MARCHF6: variants seen among roughly 807,000 people sequenced by gnomAD.
MARCHF6 encodes the protein E3 ubiquitin-protein ligase MARCHF6.
Under a neutral mutation model 133.7 loss-of-function variants are expected in MARCHF6, and 31 were observed. The ratio of observed to expected loss-of-function variants is 0.23; its 90% CI spans 0.17 to 0.31. MARCHF6 has a LOEUF of 0.31. Ranked by LOEUF, MARCHF6 falls within the 10% of genes least tolerant of loss-of-function variation. The pLI, the probability that MARCHF6 is intolerant of heterozygous loss-of-function variation, is 1.00. For synonymous variants in MARCHF6, 395 were observed against 402.5 expected (o/e 0.98, Z 0.22); for missense variants, 723 against 1,121.6 (o/e 0.64, Z 5.08).
intron 20 of MARCHF6, among the ~76,000 whole-genome samples, chr5:10,415,192 T>C (rs1579606164): frequency 6.6e-6 from 1 of 152,320 alleles, no homozygotes; most frequent in Middle Eastern, 3.4e-3. Flanking sequence ...AATGAAAACA[T>C]TAATTCCCTC....
intron 5 of MARCHF6, among the ~76,000 whole-genome samples, chr5:10,389,364 A>T (rs937828524): frequency 1.3e-5 from 2 of 152,172 alleles, no homozygotes; most frequent in African/African-American, 2.4e-5. Context: ...TTTTGGTATG[A>T]TTGCAGTTAG....
intron 19 of MARCHF6, among the ~76,000 whole-genome samples, chr5:10,412,490 A>C (rs555025697): frequency 1.3e-5 from 2 of 152,306 alleles, no homozygotes; most frequent in South Asian, 4.1e-4. Context: ...AGAGTGAAAA[A>C]AAGGAAGTGG....
intron 4 of MARCHF6, among the ~76,000 whole-genome samples, chr5:10,386,392 T>C (rs1737482967): frequency 6.6e-6 from 1 of 152,260 alleles, no homozygotes; most frequent in African/African-American, 2.4e-5. Context: ...TCTAGAATTC[T>C]GCTTTCCTGA....
At chr5:10,393,554 C>T (rs1738002084) in intron 7 of MARCHF6, among the ~76,000 whole-genome samples, 1 of 152,210 alleles carries the variant, frequency 6.6e-6, no homozygotes, top group Non-Finnish European at 1.5e-5. Flanking sequence ...TTATTTCTCT[C>T]TCTTGATCTA....
chr5:10,385,935 A>G (rs959958153), intron 4 of MARCHF6, among the ~76,000 whole-genome samples: 4 of 152,130 alleles, frequency 2.6e-5, no homozygotes, highest in East Asian at 3.8e-4. Context: ...CACAATTTAA[A>G]TTACATCACA....
chr5:10,392,471 C>T (rs145630522), intron 7 of MARCHF6, among the ~76,000 whole-genome samples: 31 of 152,274 alleles, frequency 2.0e-4, no homozygotes, highest in African/African-American at 6.5e-4. Flanking sequence ...ATCAACGTCT[C>T]GTTTTCTAGC....
chr5:10,390,612 A>C, intron 6 of MARCHF6, 112 bp downstream of exon 6: 1 of 1,061,564 alleles, frequency 9.4e-7, no homozygotes. Context: ...TTCTTTTGTT[A>C]TTACAAAGGA....
rs748835122 is a variant in MARCHF6, at chr5:10,429,923, A to G, written c.2537A>G (p.His846Arg). 4.3e-6 allele frequency: 7 copies of G among 1,613,564 alleles called. No individual in the cohort carries two copies. In the South Asian group the frequency reaches 6.6e-5, roughly 15 times the overall value. Reference sequence around the variant, plus strand: ...ACTGCGGAAATGCAAAACTTAGTCCATCGGCGGATTTATCCATTTTTACTG... The same window carrying G: ...ACTGCGGAAATGCAAAACTTAGTCCGTCGGCGGATTTATCCATTTTTACTG... ...GVTAEMQNLV[H>R]RRIYPFLLMV... Residue 846 changes from histidine (H) to arginine (R), a missense_variant, in exon 25 of 26, where the codon CAT becomes CGT. Coordinates refer to ENST00000274140, the MANE Select transcript of MARCHF6 (RefSeq NM_005885.4).
chr5:10,414,860 G>A lies in MARCHF6; in HGVS notation c.1966+358G>A, dbSNP rs529259925. Among the ~76,000 whole-genome samples the A allele has an allele frequency of 2.8e-4, 42 of 152,238 alleles. 2 individuals are homozygous for A. Among genetic ancestry groups the A allele is most frequent in the Admixed American group, 1.9e-3 (29 of 15,290 alleles). On this transcript the variant is annotated intron_variant, in intron 20 of 25. Coordinates refer to ENST00000274140, the MANE Select transcript of MARCHF6 (RefSeq NM_005885.4). ...TGTGGGATGCTATAGAGTTTATTCC[G>A]AACAACTTTTTGTATGAGGCACTCC...
rs372416268 is a variant in MARCHF6 at position 10,439,104 on chromosome 5, T to G, written c.*5420T>G. Reference sequence around the variant, plus strand: ...GTACTCCTCTTCATTCACTCATATGTTTTTGGGATCAGTCCCTTCTGCTGG... The same window carrying G: ...GTACTCCTCTTCATTCACTCATATGGTTTTGGGATCAGTCCCTTCTGCTGG... On this transcript the variant is annotated 3_prime_UTR_variant, in exon 26 of 26. Coordinates refer to ENST00000274140, the MANE Select transcript of MARCHF6 (RefSeq NM_005885.4). 6.6e-6 allele frequency: 1 copy of G among 152,212 alleles called. No homozygotes were observed. Among genetic ancestry groups the G allele is most frequent in the Non-Finnish European group, 1.5e-5 (1 of 68,054 alleles). 9.4% of individuals were successfully genotyped at this position (152,212 alleles called of 1,614,324 possible).
rs149713921 is a variant in MARCHF6, at chr5:10,419,262, T to C, written c.2283+1858T>C. 2.6e-5 allele frequency among the ~76,000 whole-genome samples: 4 copies of C among 152,336 alleles called. No individual in the cohort carries two copies. In the East Asian group the frequency reaches 7.7e-4, roughly 29 times the overall value. On this transcript the variant is annotated intron_variant, in intron 22 of 25. Coordinates refer to ENST00000274140, the MANE Select transcript of MARCHF6 (RefSeq NM_005885.4). Reference sequence around the variant, plus strand: ...ACTTTCAGTATAGTATTCAGTAAATTGCATGAGATAGTCACTACGTAATTA... The same window carrying C: ...ACTTTCAGTATAGTATTCAGTAAATCGCATGAGATAGTCACTACGTAATTA...
At position 10,403,470 on chromosome 5, in the gene MARCHF6, A is replaced by G; in HGVS notation, c.1261A>G (p.Met421Val). 24 of 1,613,910 alleles carry G rather than the reference A, an allele frequency of 1.5e-5. No individual in the cohort carries two copies. Among genetic ancestry groups the G allele is most frequent in the Non-Finnish European group, 2.0e-5 (24 of 1,179,858 alleles). Reference sequence around the variant, plus strand: ...CTTTCAGTCGGCTCCAGGTACTACCATGTTTCTGCATTGGCTAGTGGGAAT... The same window carrying G: ...CTTTCAGTCGGCTCCAGGTACTACCGTGTTTCTGCATTGGCTAGTGGGAAT... Reference protein sequence around the residue: ...LSFQSAPGTTMFLHWLVGMVY... With the variant: ...LSFQSAPGTTVFLHWLVGMVY... The change falls in exon 15 of 26, where the codon ATG becomes GTG. Residue 421 changes from methionine (M) to valine (V), a missense_variant. Met to Val is a conservative substitution (Grantham distance 21). This residue lies in a region of MARCHF6 where 492 missense variants were observed against 699.5 expected (regional missense o/e 0.70). Coordinates refer to ENST00000274140, the MANE Select transcript of MARCHF6 (RefSeq NM_005885.4).
chr5:10,390,199 C>T, intron 5 of MARCHF6, 133 bp from the exon 6 acceptor site: 1 of 702,154 alleles, frequency 1.4e-6, no homozygotes, highest in East Asian at 2.7e-5. Flanking sequence ...AGATTTTCAT[C>T]CAAAAAATTA....
rs536501283 is a variant in MARCHF6, at chr5:10,405,316, GT to G, written c.1333-232del. Among the ~76,000 whole-genome samples, 537 of 149,134 alleles carry G rather than the reference GT, an allele frequency of 3.6e-3. 9 individuals carry two copies. Among genetic ancestry groups the G allele is most frequent in the African/African-American group, 2.0e-3 (83 of 40,708 alleles). ...TCTTGACACATTGGACCCAATGAAT[GT>G]TTTTTTTTTCCCCCGCCCCTAGTGA... On this transcript the variant is annotated intron_variant, in intron 15 of 25. Coordinates refer to ENST00000274140, the MANE Select transcript of MARCHF6 (RefSeq NM_005885.4).
chr5:10,407,606 T>C lies in MARCHF6; in HGVS notation c.1553+404T>C, dbSNP rs551749931. Among the ~76,000 whole-genome samples, 62 of 152,342 alleles carry C rather than the reference T, an allele frequency of 4.1e-4. No individual in the cohort carries two copies. In the East Asian group the frequency reaches 6.6e-3, roughly 16 times the overall value. ...AAAGCCAGAGTTGCACATTTAATTA[T>C]TAAAAATAGGGTACAAGGCTTGTAG... On this transcript the variant is annotated intron_variant, in intron 17 of 25. Transcript: ENST00000274140.
At chr5:10,399,847 A>G (rs1479824128) in intron 10 of MARCHF6, among the ~76,000 whole-genome samples, 1 of 152,246 alleles carries the variant, frequency 6.6e-6, no homozygotes, top group East Asian at 1.9e-4. Context: ...CTATTTGGCC[A>G]TTGATTTGTT....
At chr5:10,368,397 C>G (rs555602025) in intron 1 of MARCHF6, among the ~76,000 whole-genome samples, 1 of 152,196 alleles carries the variant, frequency 6.6e-6, no homozygotes, top group Non-Finnish European at 1.5e-5. Flanking sequence ...GTTTGGGAGG[C>G]CAACACCAGA....
intron 9 of MARCHF6, among the ~76,000 whole-genome samples, chr5:10,397,020 T>C (rs182009491): frequency 4.6e-5 from 7 of 152,358 alleles, no homozygotes; most frequent in Non-Finnish European, 8.8e-5. Flanking sequence ...ATGTAATTTG[T>C]CGTAGATTAT....
intron 1 of MARCHF6, among the ~76,000 whole-genome samples, chr5:10,375,959 T>TG (rs1337876585): frequency 2.0e-5 from 3 of 152,130 alleles, no homozygotes; most frequent in Non-Finnish European, 2.9e-5. Flanking sequence ...ACTAATCTGA[T>TG]GGGGACGTGG....
Sources: allele counts gnomAD v4.1 joint callset (sites outside exome capture counted in the v4.1 genomes callset), GRCh38; gene constraint gnomAD v4.1.1; regional missense constraint gnomAD v4.1.1; transcripts MANE v1.5; gene names NCBI Gene and HGNC (gene_info 2026-07-23, HGNC 2026-07-21).